TXLNG: variants seen among roughly 807,000 people sequenced by gnomAD.
TXLNG encodes taxilin gamma, also known as gamma-taxilin.
A neutral mutation model predicts 38.8 loss-of-function variants in TXLNG; 5 were observed. That is an observed-to-expected ratio of 0.13 (90% CI 0.07 to 0.27). The LOEUF is 0.27. Among genes scored for constraint, TXLNG ranks in the 10% least tolerant of loss-of-function variants. TXLNG has a pLI of 1.00. For missense variants in TXLNG, 393 were observed against 398.2 expected (o/e 0.99, Z 0.11); for synonymous variants, 182 against 158.2 (o/e 1.15, Z -1.13).
intron 1 of TXLNG, among the ~76,000 whole-genome samples, chrX:16,800,562 CTTT>C (rs747782846): frequency 5.9e-5 from 4 of 68,241 alleles, no homozygotes; most frequent in Admixed American, 1.7e-4. Context: ...GAGGAGGAAA[CTTT>C]TTTTTTTTTT....
At chrX:16,795,789 G>GC (rs1434843475) in intron 1 of TXLNG, among the ~76,000 whole-genome samples, 1 of 109,593 alleles carries the variant, frequency 9.1e-6, no homozygotes, top group Non-Finnish European at 1.9e-5. Flanking sequence ...CATACAGTTT[G>GC]CCCATTTATA....
chrX:16,837,783 A>C (rs2147500497), intron 8 of TXLNG, 98 bp downstream of exon 8: 1 of 630,659 alleles, frequency 1.6e-6, no homozygotes, highest in East Asian at 3.9e-5. Flanking sequence ...TTGTTATGAT[A>C]CTGTCTTCAT....
intron 3 of TXLNG, among the ~76,000 whole-genome samples, chrX:16,823,615 T>C (rs1053005731): frequency 9.0e-6 from 1 of 111,335 alleles, no homozygotes; most frequent in Admixed American, 9.6e-5. Context: ...GATGTCATTG[T>C]GCTTGTTGCA....
intron 7 of TXLNG, among the ~76,000 whole-genome samples, chrX:16,836,969 A>G (rs1009135035): frequency 2.6e-4 from 29 of 111,078 alleles, no homozygotes; most frequent in Admixed American, 1.3e-3. Flanking sequence ...CCTTCCCCGT[A>G]TACTTCTCTG....
chrX:16,828,409 G>GT, intron 4 of TXLNG, 145 bp downstream of exon 4: 1 of 572,316 alleles, frequency 1.7e-6, no homozygotes, highest in Non-Finnish European at 2.6e-6. Context: ...GATGCCTTGT[G>GT]TGAGGTCATT....
At chrX:16,817,400 A>G (rs1928785800) in intron 1 of TXLNG, among the ~76,000 whole-genome samples, 1 of 112,260 alleles carries the variant, frequency 8.9e-6, no homozygotes, top group Non-Finnish European at 1.9e-5. Context: ...AAAATATAAG[A>G]TTTTATTTTC....
At chrX:16,839,485 T>G (rs769252343) in intron 8 of TXLNG, 37 of 133,229 alleles carry the variant, frequency 2.8e-4, no homozygotes, top group Non-Finnish European at 5.0e-4. Context: ...TACCCGGAGC[T>G]GGGATGAAAG....
intron 8 of TXLNG, 31 bp from the exon 9 acceptor site, chrX:16,839,790 T>G (rs1484916311): frequency 1.8e-5 from 19 of 1,077,869 alleles, no homozygotes; most frequent in Non-Finnish European, 2.4e-5. Context: ...GGAAGGGAAC[T>G]TAGAATTTAA....
chrX:16,841,414 C>CT lies in TXLNG; in HGVS notation c.1249-8dup, dbSNP rs752294213. On this transcript the variant is annotated splice_polypyrimidine_tract_variant and intron_variant, in intron 9 of 9. Transcript: ENST00000380122. ...TATTTAACAGGGTTACAGAAATCCT[C>CT]TTTTTTCTTACAGAAAACAGTCCGT... is the stretch of plus-strand genomic sequence containing the variant. The CT allele has an allele frequency of 3.7e-5, 44 of 1,174,880 alleles. No individual in the cohort carries two copies. Among genetic ancestry groups the CT allele is most frequent in the Non-Finnish European group, 4.6e-5 (40 of 878,807 alleles).
chrX:16,820,627 AGATTGT>A (rs1928903324), intron 3 of TXLNG, among the ~76,000 whole-genome samples: 1 of 111,891 alleles, frequency 8.9e-6, no homozygotes, highest in African/African-American at 3.3e-5. Flanking sequence ...GTTTTGATTG[AGATTGT>A]GAGTTACATG....
At chrX:16,788,415 T>C (rs1569258925) in intron 1 of TXLNG, among the ~76,000 whole-genome samples, 1 of 112,421 alleles carries the variant, frequency 8.9e-6, no homozygotes, top group Non-Finnish European at 1.9e-5. Flanking sequence ...TCTTTGCTTA[T>C]GCTCTTCTGA....
rs1602381745 is a variant in TXLNG at position 16,818,503 on chromosome X, T to G, written c.103-71T>G. Reference sequence around the variant, plus strand: ...AAAACTATCAGGCTATGATGTTCCATTGCTTGTAAACATTGATTACATTAG... The same window carrying G: ...AAAACTATCAGGCTATGATGTTCCAGTGCTTGTAAACATTGATTACATTAG... On this transcript the variant is annotated intron_variant, in intron 1 of 9. Coordinates refer to ENST00000380122, the MANE Select transcript of TXLNG (RefSeq NM_018360.3). 6 of 1,105,703 alleles carry G rather than the reference T, an allele frequency of 5.4e-6. No homozygotes were observed. The East Asian group carries it at 1.8e-4, about 33-fold the overall frequency. 91.1% of individuals were successfully genotyped at this position (1,105,703 alleles called of 1,213,427 possible). A position where few individuals can be genotyped will look rare whatever the true frequency, so the allele number is the denominator to read the frequency against.
chrX:16,788,972 A>C (rs190839526), intron 1 of TXLNG, among the ~76,000 whole-genome samples: 1 of 112,023 alleles, frequency 8.9e-6, no homozygotes, highest in African/African-American at 3.2e-5. Flanking sequence ...CTGGCCAAAA[A>C]TTTTTTTAAA....
In TXLNG at chrX:16,841,601, A is replaced by G. The variant is rs770426436; in HGVS notation, c.1422A>G (p.Thr474=). The G allele has an allele frequency of 3.3e-6, 4 of 1,211,457 alleles. No individual in the cohort carries two copies. The highest frequency in any genetic ancestry group is 5.9e-5 in the East Asian group (2 of 33,819). The change falls in exon 10 of 10, where the codon ACA becomes ACG. Residue 474 remains threonine (T), a synonymous_variant. Coordinates refer to ENST00000380122, the MANE Select transcript of TXLNG (RefSeq NM_018360.3). ...AAGCGGCGAACAGGGATTTAGCAAC[A>G]CCTGTGATGCAGCCCTGTACTGCCC... ...AIKAANRDLA[T]PVMQPCTALD...
Position 16,843,291 on chromosome X carries a change from G to C in TXLNG, c.*1525G>C, listed in dbSNP as rs904855665. 1.8e-5 allele frequency: 2 copies of C among 112,065 alleles called. No individual in the cohort carries two copies. The highest frequency in any genetic ancestry group is 6.5e-5 in the African/African-American group (2 of 30,813). 9.2% of individuals were successfully genotyped at this position (112,065 alleles called of 1,213,427 possible). ...TCACATTCATGGTCGAAACTGGGTTGAAAGAATTGAAAATTGTCCAACAGA... is the reference window on the plus strand; with the variant it reads ...TCACATTCATGGTCGAAACTGGGTTCAAAGAATTGAAAATTGTCCAACAGA... On this transcript the variant is annotated 3_prime_UTR_variant, in exon 10 of 10. Coordinates refer to ENST00000380122, the MANE Select transcript of TXLNG (RefSeq NM_018360.3).
rs1183332689 is a variant in TXLNG at position 16,820,268 on chromosome X, C to T, written c.498+13C>T. The T allele has an allele frequency of 6.9e-6, 8 of 1,162,766 alleles. No homozygotes were observed. Among genetic ancestry groups the T allele is most frequent in the Non-Finnish European group, 9.3e-6 (8 of 860,500 alleles). ...ATATGCTGATCTTGTGAGTATTAAG[C>T]CAAGGATGTGAGAGCCATATAAAAT... On this transcript the variant is annotated intron_variant, in intron 3 of 9. Coordinates refer to ENST00000380122, the MANE Select transcript of TXLNG (RefSeq NM_018360.3).
intron 9 of TXLNG, among the ~76,000 whole-genome samples, chrX:16,841,092 T>G (rs748143021): frequency 3.4e-4 from 36 of 106,550 alleles, no homozygotes; most frequent in East Asian, 2.1e-3. Flanking sequence ...TTACTCGGGA[T>G]GCTGAGGCAG....
At chrX:16,841,391 T>C (rs1929814990) in intron 9 of TXLNG, 37 bp from the exon 10 acceptor site, 4 of 1,137,411 alleles carry the variant, frequency 3.5e-6, no homozygotes, top group African/African-American at 1.8e-5. Flanking sequence ...CTGATTGATA[T>C]TTAACAGGGT....
chrX:16,840,570 G>C (rs771831651), intron 9 of TXLNG: 1 of 394,216 alleles, frequency 2.5e-6, no homozygotes, highest in Non-Finnish European at 3.2e-6. Flanking sequence ...TCAAGAGATC[G>C]AGACCAGCCT....
Sources: allele counts gnomAD v4.1 joint callset (sites outside exome capture counted in the v4.1 genomes callset), GRCh38; gene constraint gnomAD v4.1.1; transcripts MANE v1.5; gene names NCBI Gene and HGNC (gene_info 2026-07-23, HGNC 2026-07-21).